Variants in CNGB1 observed in about 807,000 individuals in gnomAD.
CNGB1 encodes the protein cyclic nucleotide-gated channel beta-1.
A neutral mutation model predicts 151.7 loss-of-function variants in CNGB1; 126 were observed. That is an observed-to-expected ratio of 0.83 (90% CI 0.72 to 0.96). The LOEUF (loss-of-function observed/expected upper bound fraction) is 0.96, where lower values mean the gene tolerates loss of function less well. CNGB1 is among the 40% of genes least tolerant of loss of function. CNGB1 has a pLI of 0.00. For missense variants in CNGB1, 1,698 were observed against 1,627.0 expected (o/e 1.04, Z -0.75); for synonymous variants, 623 against 635.1 (o/e 0.98, Z 0.29).
chr16:57,884,607 G>A (rs1382758490), intron 32 of CNGB1, 150 bp from the exon 33 acceptor site: 9 of 785,758 alleles, frequency 1.1e-5, no homozygotes, highest in Middle Eastern at 2.9e-4. Context: ...GGGTGGAGCC[G>A]CATCGGGGTT....
intron 29 of CNGB1, among the ~76,000 whole-genome samples, chr16:57,898,260 G>A (rs1202897953): frequency 2.0e-5 from 3 of 152,176 alleles, no homozygotes; most frequent in Non-Finnish European, 4.4e-5. Flanking sequence ...ATGGAGGCAG[G>A]GCAAATCAGA....
In CNGB1 at chr16:57,894,498, G is replaced by GCCTGTAATCCCA. The variant is rs564445258; in HGVS notation, c.3242+2898_3242+2899insTGGGATTACAGG. Reference sequence around the variant, plus strand: ...TGCCTGTAATCCCAGCTACTCAGGAGGCTGAGGCAGGAGAATCACCTGAAC... The same window carrying GCCTGTAATCCCA: ...TGCCTGTAATCCCAGCTACTCAGGAGCCTGTAATCCCAGCTGAGGCAGGAGAATCACCTGAAC... On this transcript the variant is annotated intron_variant, in intron 31 of 32. Coordinates refer to ENST00000251102, the MANE Select transcript of CNGB1 (RefSeq NM_001297.5). Among the ~76,000 whole-genome samples the GCCTGTAATCCCA allele has an allele frequency of 2.6e-3, 399 of 152,304 alleles. 1 individual carries two copies. Among genetic ancestry groups the GCCTGTAATCCCA allele is most frequent in the African/African-American group, 9.4e-3 (389 of 41,562 alleles).
intron 16 of CNGB1, among the ~76,000 whole-genome samples, chr16:57,932,644 G>C (rs1961387937): frequency 7.0e-6 from 1 of 143,754 alleles, no homozygotes; most frequent in African/African-American, 2.6e-5. Context: ...CAGTGGCACA[G>C]TCTCGGCTCA....
At chr16:57,921,178 G>A (rs1961022923) in intron 18 of CNGB1, among the ~76,000 whole-genome samples, 1 of 144,064 alleles carries the variant, frequency 6.9e-6, no homozygotes, top group Non-Finnish European at 1.5e-5. Flanking sequence ...TACTCTTTTT[G>A]AGCTCAACTG....
intron 24 of CNGB1, 119 bp downstream of exon 24, chr16:57,912,811 T>G: frequency 2.0e-6 from 2 of 1,000,616 alleles, no homozygotes; most frequent in Non-Finnish European, 3.1e-6. Flanking sequence ...TGTGTGTGTG[T>G]TGTGTGTGTC....
intron 10 of CNGB1, among the ~76,000 whole-genome samples, chr16:57,959,047 C>T (rs1962169478): frequency 1.3e-5 from 2 of 151,844 alleles, no homozygotes; most frequent in Non-Finnish European, 2.9e-5. Context: ...GCCACTGCAC[C>T]CAGCCTGTAT....
At chr16:57,939,044 T>TG (rs1371940150) in intron 16 of CNGB1, among the ~76,000 whole-genome samples, 2 of 152,142 alleles carry the variant, frequency 1.3e-5, no homozygotes, top group Non-Finnish European at 1.5e-5. Context: ...GCCCAAGAGC[T>TG]GCATCCTCAT....
At chr16:57,905,027 C>T (rs1449766448) in intron 25 of CNGB1, 152 bp from the exon 26 acceptor site, 9 of 926,748 alleles carry the variant, frequency 9.7e-6, no homozygotes, top group Admixed American at 6.6e-5. Context: ...ACCTCCTGCA[C>T]GTGTAGAGCA....
In CNGB1 at chr16:57,954,902, T is replaced by C; in HGVS notation, c.874+2439A>G. 3.9e-6 allele frequency: 4 copies of C among 1,033,828 alleles called. No homozygotes were observed. In the African/African-American group the frequency reaches 6.8e-5, roughly 18 times the overall value. 64.0% of individuals were successfully genotyped at this position (1,033,828 alleles called of 1,614,324 possible). On this transcript the variant is annotated intron_variant, in intron 12 of 32. Transcript: ENST00000251102. ...ACTGAGTCCTCCATCCATGGGGCTT[T>C]TTAATTTATTAATTTAAAAAAGGTT...
intron 17 of CNGB1, among the ~76,000 whole-genome samples, chr16:57,930,291 G>GT (rs778836451): frequency 3.3e-5 from 5 of 152,088 alleles, no homozygotes; most frequent in Non-Finnish European, 7.4e-5. Context: ...GAGCTCAGGA[G>GT]TTTGAGACCA....
chr16:57,886,647 G>C (rs568758248), intron 32 of CNGB1, among the ~76,000 whole-genome samples: 1 of 152,146 alleles, frequency 6.6e-6, no homozygotes, highest in Non-Finnish European at 1.5e-5. Flanking sequence ...GAACTCTGCT[G>C]TGTAGACTGT....
chr16:57,917,950 T>C (rs1960922251), intron 20 of CNGB1, among the ~76,000 whole-genome samples: 1 of 152,070 alleles, frequency 6.6e-6, no homozygotes, highest in South Asian at 2.1e-4. Flanking sequence ...CTTTAATTTT[T>C]TCCCAAAATG....
At chr16:57,940,136 G>A (rs1961625970) in intron 15 of CNGB1, 98 bp downstream of exon 15, 3 of 1,220,946 alleles carry the variant, frequency 2.5e-6, no homozygotes, top group Non-Finnish European at 3.5e-6. Context: ...CATCTTACCA[G>A]CCAAAACTCC....
rs1418455958 is a variant in CNGB1, at chr16:57,931,818, G to C, written c.1433C>G (p.Pro478Arg). ...GGGTGGATTCTCTTCTGCCATGAGG[G>C]GGCAGCTATCAGCATCAGTATCTTC... is the stretch of plus-strand genomic sequence containing the variant. ...QVEDTDADSC[P>R]LMAEENPPST... The change falls in exon 17 of 33, where the codon CCC becomes CGC. Residue 478 changes from proline to arginine, a missense_variant. Coordinates refer to ENST00000251102, the MANE Select transcript of CNGB1 (RefSeq NM_001297.5). 1 of 1,614,136 alleles carries C rather than the reference G, an allele frequency of 6.2e-7. No individual in the cohort carries two copies. Among genetic ancestry groups the C allele is most frequent in the Admixed American group, 1.7e-5 (1 of 60,016 alleles).
intron 13 of CNGB1, among the ~76,000 whole-genome samples, chr16:57,949,886 C>T (rs993682225): frequency 1.2e-4 from 19 of 152,194 alleles, no homozygotes; most frequent in African/African-American, 9.7e-5. Flanking sequence ...CTCCTGCAGA[C>T]GTATTCACAC....
At chr16:57,888,201 T>C (rs1596946236) in intron 31 of CNGB1, 127 bp from the exon 32 acceptor site, 6 of 969,452 alleles carry the variant, frequency 6.2e-6, no homozygotes, top group African/African-American at 1.6e-5. Context: ...TTGTAGAGAG[T>C]TTTTTCTGGG....
intron 31 of CNGB1, among the ~76,000 whole-genome samples, chr16:57,893,043 G>A (rs1187143437): frequency 6.6e-6 from 1 of 152,080 alleles, no homozygotes; most frequent in Non-Finnish European, 1.5e-5. Flanking sequence ...CTGTGTACTC[G>A]ATACATCACT....
intron 17 of CNGB1, among the ~76,000 whole-genome samples, chr16:57,928,332 G>C (rs1480234264): frequency 1.6e-4 from 24 of 152,228 alleles, no homozygotes; most frequent in African/African-American, 5.5e-4. Context: ...ACGTGATCAT[G>C]GTGCCATTAG....
Position 57,931,885 on chromosome 16 carries a change from G to T in CNGB1, c.1373-7C>A, listed in dbSNP as rs1158065650. 1 of 1,613,764 alleles carries T rather than the reference G, an allele frequency of 6.2e-7. No homozygotes were observed. The highest frequency in any genetic ancestry group is 8.5e-7 in the Non-Finnish European group (1 of 1,179,994). The stretch of plus-strand genomic sequence containing the variant: ...TGCTGTTTCGTGGCAGGCACTGGGG[G>T]AGAGGAAGGAGAGGAGAAAGTCAGA... On this transcript the variant is annotated splice_region_variant and splice_polypyrimidine_tract_variant and intron_variant, in intron 16 of 32. Transcript: ENST00000251102.
Sources: gnomAD v4.1 joint callset for allele counts (sites outside exome capture counted in the v4.1 genomes callset) on GRCh38, gnomAD v4.1.1 for gene constraint, MANE v1.5 for transcripts, NCBI Gene and HGNC (gene_info 2026-07-23, HGNC 2026-07-21) for gene names.